The following PTPRD variants were observed in gnomAD, a reference collection of about 807,000 sequenced individuals.
The protein encoded by PTPRD is protein tyrosine phosphatase receptor type D, also known as receptor-type tyrosine-protein phosphatase delta.
A neutral mutation model predicts 214.5 loss-of-function variants in PTPRD; 34 were observed. The ratio of observed to expected loss-of-function variants is 0.16; its 90% CI spans 0.12 to 0.21. The LOEUF (loss-of-function observed/expected upper bound fraction) is 0.21, where lower values mean the gene tolerates loss of function less well. PTPRD is among the 10% of genes least tolerant of loss of function. The probability of loss-of-function intolerance (pLI) is 1.00; values close to 1 mark genes in which losing one functional copy is unlikely to be tolerated. For missense variants in PTPRD, 2,545 were observed against 2,398.7 expected (o/e 1.06, Z -1.27); for synonymous variants, 1,128 against 845.7 (o/e 1.33, Z -5.79).
At position 10,611,914 on chromosome 9, in the gene PTPRD, C is replaced by G. The variant is rs927986950; in HGVS notation, c.-600+484G>C. Among the ~76,000 whole-genome samples, 22 of 150,984 alleles carry G rather than the reference C, an allele frequency of 1.5e-4. No homozygotes were observed. In the East Asian group the frequency reaches 4.3e-3, roughly 30 times the overall value. On this transcript the variant is annotated intron_variant, in intron 2 of 45. Transcript: ENST00000381196. ...TAACTTTCCCTTTTCCGCCCCCCCC[C>G]CCTTTTTTTTTCTAGAGCTTTTCAG...
At chr9:8,704,476 G>A (rs2098157308) in intron 12 of PTPRD, among the ~76,000 whole-genome samples, 1 of 152,172 alleles carries the variant, frequency 6.6e-6, no homozygotes, top group Admixed American at 6.5e-5. Context: ...GAAAATCTGA[G>A]TTTGAGTCCT....
At chr9:9,833,181 GC>G (rs1821230744) in intron 5 of PTPRD, among the ~76,000 whole-genome samples, 1 of 151,972 alleles carries the variant, frequency 6.6e-6, no homozygotes, top group South Asian at 2.1e-4. Flanking sequence ...CAGGGGACCT[GC>G]CCCGATAATC....
chr9:8,455,386 A>G (rs2096150438), intron 33 of PTPRD, among the ~76,000 whole-genome samples: 1 of 152,204 alleles, frequency 6.6e-6, no homozygotes, highest in African/African-American at 2.4e-5. Flanking sequence ...TTCACCTGTG[A>G]TAATATGTTG....
At chr9:10,132,623 T>C (rs948709031) in intron 3 of PTPRD, among the ~76,000 whole-genome samples, 7 of 152,178 alleles carry the variant, frequency 4.6e-5, no homozygotes, top group African/African-American at 1.7e-4. Context: ...TCTGCTATGC[T>C]AAGAATATCT....
chr9:8,972,225 G>A (rs1186271213), intron 11 of PTPRD, among the ~76,000 whole-genome samples: 1 of 151,806 alleles, frequency 6.6e-6, no homozygotes, highest in Non-Finnish European at 1.5e-5. Flanking sequence ...ATACGGGACT[G>A]GTGTTTAATA....
intron 5 of PTPRD, among the ~76,000 whole-genome samples, chr9:9,777,590 C>G (rs2098808592): frequency 1.3e-5 from 2 of 152,148 alleles, no homozygotes; most frequent in South Asian, 2.1e-4. Context: ...CCCAGCTACT[C>G]AAGAGCCGGA....
At chr9:9,879,380 T>G (rs1012900088) in intron 5 of PTPRD, among the ~76,000 whole-genome samples, 10 of 152,182 alleles carry the variant, frequency 6.6e-5, no homozygotes, top group Non-Finnish European at 1.3e-4. Flanking sequence ...CTAGGTAGAA[T>G]TGAATCTGCC....
intron 8 of PTPRD, among the ~76,000 whole-genome samples, chr9:9,479,779 T>G (rs1292002873): frequency 1.3e-5 from 2 of 152,034 alleles, no homozygotes; most frequent in African/African-American, 4.8e-5. Flanking sequence ...AATTCCCCTA[T>G]TTGTCCTCTC....
At position 10,513,696 on chromosome 9, in the gene PTPRD, A is replaced by C. The variant is rs116619500; in HGVS notation, c.-600+98702T>G. The stretch of plus-strand genomic sequence containing the variant: ...TGTCACTTCCTGGTGAATACTTTGA[A>C]AGTCAGGGCCTGATTTGCCAAGTCT... On this transcript the variant is annotated intron_variant, in intron 2 of 45. Coordinates refer to ENST00000381196, the MANE Select transcript of PTPRD (RefSeq NM_002839.4). 2.9e-3 allele frequency among the ~76,000 whole-genome samples: 436 copies of C among 152,258 alleles called. 1 individual carries two copies. The highest frequency in any genetic ancestry group is 0.01 in the African/African-American group (423 of 41,558).
chr9:10,067,570 A>G (rs541772168), intron 3 of PTPRD, among the ~76,000 whole-genome samples: 5 of 151,878 alleles, frequency 3.3e-5, no homozygotes, highest in Non-Finnish European at 5.9e-5. Flanking sequence ...ATGATTATTA[A>G]TCCTGAGACT....
At chr9:9,067,517 T>C (rs1381508522) in intron 10 of PTPRD, among the ~76,000 whole-genome samples, 1 of 152,202 alleles carries the variant, frequency 6.6e-6, no homozygotes, top group Non-Finnish European at 1.5e-5. Context: ...TCTCAAGCTT[T>C]TCTCCTCCTC....
At chr9:8,361,090 C>T (rs1216364586) in intron 39 of PTPRD, among the ~76,000 whole-genome samples, 1 of 152,068 alleles carries the variant, frequency 6.6e-6, no homozygotes, top group African/African-American at 2.4e-5. Flanking sequence ...ATTATGTATG[C>T]CAATTATGAA....
intron 44 of PTPRD, among the ~76,000 whole-genome samples, chr9:8,330,346 G>GTTTAGACCTAATGCTAT (rs1198713310): frequency 2.2e-4 from 33 of 152,200 alleles, no homozygotes; most frequent in African/African-American, 6.3e-4. Flanking sequence ...ATTGTTGTTT[G>GTTTAGACCTAATGCTAT]TTTAGACCTA....
intron 10 of PTPRD, among the ~76,000 whole-genome samples, chr9:9,097,112 C>A (rs1259752180): frequency 1.3e-5 from 2 of 152,170 alleles, no homozygotes; most frequent in Non-Finnish European, 2.9e-5. Context: ...TGCATACAAG[C>A]AGGGCAACAG....
At chr9:9,546,166 G>T (rs2078761833) in intron 8 of PTPRD, among the ~76,000 whole-genome samples, 1 of 150,984 alleles carries the variant, frequency 6.6e-6, no homozygotes, top group African/African-American at 2.4e-5. Context: ...TTTGTTTTGA[G>T]TTTTGTGCAT....
At chr9:9,299,206 G>T (rs1954292475) in intron 9 of PTPRD, among the ~76,000 whole-genome samples, 1 of 151,750 alleles carries the variant, frequency 6.6e-6, no homozygotes, top group African/African-American at 2.4e-5. Context: ...TAATGAACAT[G>T]ATATTTTATT....
At chr9:9,876,143 G>C (rs1205249240) in intron 5 of PTPRD, among the ~76,000 whole-genome samples, 1 of 152,106 alleles carries the variant, frequency 6.6e-6, no homozygotes, top group African/African-American at 2.4e-5. Flanking sequence ...TGATTACTAT[G>C]ATTATGGGTA....
chr9:8,386,157 G>T (rs1295513632), intron 37 of PTPRD, among the ~76,000 whole-genome samples: 9 of 152,132 alleles, frequency 5.9e-5, no homozygotes, highest in Non-Finnish European at 1.2e-4. Flanking sequence ...GGAAAAATGA[G>T]AATTTGAGGA....
chr9:9,591,154 C>T (rs147147627), intron 7 of PTPRD, among the ~76,000 whole-genome samples: 16 of 131,380 alleles, frequency 1.2e-4, no homozygotes, highest in African/African-American at 4.5e-4. Flanking sequence ...ATCCTTAAAA[C>T]GAAGAGAATT....
Sources: allele counts gnomAD v4.1 joint callset (sites outside exome capture counted in the v4.1 genomes callset), GRCh38; gene constraint gnomAD v4.1.1; transcripts MANE v1.5; gene names NCBI Gene and HGNC (gene_info 2026-07-23, HGNC 2026-07-21).